The following SLC25A26 variants were observed in gnomAD, a reference collection of about 807,000 sequenced individuals.
The protein encoded by SLC25A26 is mitochondrial S-adenosylmethionine carrier protein.
SLC25A26 carries 36 observed loss-of-function variants against 37.8 expected under a neutral mutation model. That is an observed-to-expected ratio of 0.95 (90% CI 0.73 to 1.26). The LOEUF is 1.26. Ranked by LOEUF, SLC25A26 falls within the 50% of genes most tolerant of loss-of-function variation. The probability of loss-of-function intolerance (pLI) is 0.00; values close to 1 mark genes in which losing one functional copy is unlikely to be tolerated. For missense variants in SLC25A26, 390 were observed against 331.1 expected (o/e 1.18, Z -1.38); for synonymous variants, 129 against 122.5 (o/e 1.05, Z -0.35).
chr3:66,211,100 T>C (rs1270066310), intron 1 of SLC25A26, among the ~76,000 whole-genome samples: 4 of 152,326 alleles, frequency 2.6e-5, no homozygotes, highest in Admixed American at 1.3e-4. Flanking sequence ...ATCAGCACCA[T>C]TGGATCTGAG....
chr3:66,255,891 A>C (rs940148955), intron 3 of SLC25A26, among the ~76,000 whole-genome samples: 3 of 152,208 alleles, frequency 2.0e-5, no homozygotes, highest in Non-Finnish European at 4.4e-5. Flanking sequence ...TCAGGAAGCC[A>C]TGCTGGGTGC....
At chr3:66,363,628 A>G (rs1235816762) in intron 7 of SLC25A26, among the ~76,000 whole-genome samples, 2 of 152,258 alleles carry the variant, frequency 1.3e-5, no homozygotes, top group African/African-American at 4.8e-5. Flanking sequence ...TTACAACGTT[A>G]AATTAGAATT....
intron 6 of SLC25A26, among the ~76,000 whole-genome samples, chr3:66,353,790 G>A (rs2076514518): frequency 6.6e-6 from 1 of 152,194 alleles, no homozygotes; most frequent in Non-Finnish European, 1.5e-5. Context: ...GCACAGATAA[G>A]TTCACAGTTA....
intron 5 of SLC25A26, among the ~76,000 whole-genome samples, chr3:66,286,422 G>A (rs184556743): frequency 4.7e-4 from 72 of 152,026 alleles, no homozygotes. Context: ...TAGATGTCTA[G>A]TTATTCTAAC....
intron 1 of SLC25A26, among the ~76,000 whole-genome samples, chr3:66,143,309 G>C (rs944088265): frequency 6.6e-6 from 1 of 152,088 alleles, no homozygotes; most frequent in Non-Finnish European, 1.5e-5. Context: ...TTGTGTACAG[G>C]TATGGTTTTC....
At chr3:66,168,929 T>C (rs993078130) in intron 1 of SLC25A26, among the ~76,000 whole-genome samples, 4 of 152,144 alleles carry the variant, frequency 2.6e-5, no homozygotes, top group East Asian at 1.9e-4. Context: ...CAAGACCCGA[T>C]TGAGCAACAT....
intron 5 of SLC25A26, among the ~76,000 whole-genome samples, chr3:66,279,845 C>T (rs2074278690): frequency 1.3e-5 from 2 of 152,150 alleles, no homozygotes; most frequent in Admixed American, 1.3e-4. Context: ...TTCCTATTAT[C>T]AGTGAATTTT....
At chr3:66,376,218 C>T (rs375203798) in intron 9 of SLC25A26, among the ~76,000 whole-genome samples, 15 of 151,974 alleles carry the variant, frequency 9.9e-5, no homozygotes, top group African/African-American at 2.9e-4. Context: ...GGTGAAGATA[C>T]GGTGAACACT....
At chr3:66,185,166 A>G (rs907672959) in intron 1 of SLC25A26, among the ~76,000 whole-genome samples, 14 of 152,210 alleles carry the variant, frequency 9.2e-5, no homozygotes, top group African/African-American at 3.4e-4. Flanking sequence ...TTCTGTCTCT[A>G]TAATTTTGAG....
intron 3 of SLC25A26, among the ~76,000 whole-genome samples, chr3:66,253,444 T>A (rs2073175460): frequency 6.6e-6 from 1 of 150,940 alleles, no homozygotes. Flanking sequence ...GTTTTCTGGA[T>A]TATCCACGTG....
chr3:66,175,734 C>T (rs1022591659), intron 1 of SLC25A26, among the ~76,000 whole-genome samples: 4 of 152,126 alleles, frequency 2.6e-5, no homozygotes, highest in East Asian at 1.9e-4. Context: ...TAAAAGGCAG[C>T]GAGGCAGAAG....
At chr3:66,279,427 A>G (rs1223418313) in intron 5 of SLC25A26, among the ~76,000 whole-genome samples, 3 of 152,188 alleles carry the variant, frequency 2.0e-5, no homozygotes, top group African/African-American at 4.8e-5. Flanking sequence ...ACCTGGTGCT[A>G]CAGTGTCCTC....
chr3:66,168,260 A>G (rs1208726730), intron 1 of SLC25A26, among the ~76,000 whole-genome samples: 3 of 140,812 alleles, frequency 2.1e-5, no homozygotes, highest in African/African-American at 7.9e-5. Flanking sequence ...TTTTTACATT[A>G]CTTTATAGGA....
intron 3 of SLC25A26, among the ~76,000 whole-genome samples, chr3:66,248,401 C>A (rs1311089506): frequency 6.6e-6 from 1 of 152,146 alleles, no homozygotes; most frequent in Non-Finnish European, 1.5e-5. Context: ...TCATCACACA[C>A]AGAAAAAGCC....
chr3:66,358,908 C>A lies in SLC25A26; in HGVS notation c.499-3952C>A, dbSNP rs139642171. 2.2e-4 allele frequency among the ~76,000 whole-genome samples: 33 copies of A among 152,274 alleles called. 1 individual carries two copies. In the East Asian group the frequency reaches 6.4e-3, roughly 29 times the overall value. On this transcript the variant is annotated intron_variant, in intron 6 of 9. Coordinates refer to ENST00000354883, the MANE Select transcript of SLC25A26 (RefSeq NM_001379210.1). ...TGGAATGTGGGAAGTTCTGTATGTT[C>A]TATGGAAGTGTGTATTGTGGTTGCT...
chr3:66,183,879 C>T (rs1158634349), intron 1 of SLC25A26, among the ~76,000 whole-genome samples: 2 of 151,892 alleles, frequency 1.3e-5, no homozygotes, highest in Admixed American at 6.6e-5. Context: ...AATTTTTTCC[C>T]AAACCTTAAT....
At chr3:66,354,281 G>C (rs2107773655) in intron 6 of SLC25A26, among the ~76,000 whole-genome samples, 1 of 152,160 alleles carries the variant, frequency 6.6e-6, no homozygotes, top group South Asian at 2.1e-4. Flanking sequence ...CAAAGCAATA[G>C]CTAGATGAGA....
At chr3:66,269,156 C>A (rs907964311) in intron 5 of SLC25A26, among the ~76,000 whole-genome samples, 21 of 152,186 alleles carry the variant, frequency 1.4e-4, no homozygotes, top group Admixed American at 3.9e-4. Context: ...CTCGTTGATA[C>A]CTTTATACCT....
intron 3 of SLC25A26, among the ~76,000 whole-genome samples, chr3:66,245,711 T>C (rs1208313636): frequency 6.6e-6 from 1 of 152,226 alleles, no homozygotes; most frequent in Non-Finnish European, 1.5e-5. Flanking sequence ...AACCTAATAT[T>C]CCTTGTTTAA....
Sources: allele counts gnomAD v4.1 joint callset (sites outside exome capture counted in the v4.1 genomes callset), GRCh38; gene constraint gnomAD v4.1.1; transcripts MANE v1.5; gene names NCBI Gene and HGNC (gene_info 2026-07-23, HGNC 2026-07-21).